Variants in ADAMTS2 observed in about 807,000 individuals in gnomAD.
ADAMTS2 encodes A disintegrin and metalloproteinase with thrombospondin motifs 2.
In ADAMTS2, 50 loss-of-function variants were observed where a neutral mutation model predicts 123.0. That is an observed-to-expected ratio of 0.41 (90% confidence interval 0.32 to 0.51). The LOEUF is 0.51. ADAMTS2 is among the 20% of genes least tolerant of loss of function. The pLI, the probability that ADAMTS2 is intolerant of heterozygous loss-of-function variation, is 0.35. For missense variants in ADAMTS2, 1,494 were observed against 1,705.2 expected, an observed-to-expected ratio of 0.88 and a Z score of 2.18; for synonymous variants, 678 against 695.4, an observed-to-expected ratio of 0.98 and a Z score of 0.39.
chr5:179,171,935 C>T (rs1763824454), intron 5 of ADAMTS2, among the ~76,000 whole-genome samples: 1 of 152,144 alleles, frequency 6.6e-6, no homozygotes, highest in South Asian at 2.1e-4. Context: ...TCCCACACCC[C>T]TCACAACCCA....
At chr5:179,333,360 C>T (rs991386714) in intron 2 of ADAMTS2, among the ~76,000 whole-genome samples, 38 of 152,222 alleles carry the variant, frequency 2.5e-4, no homozygotes, top group Admixed American at 2.5e-3. Context: ...CCACTCCCCA[C>T]AGCCCTCGCT....
At chr5:179,125,933 C>T in intron 18 of ADAMTS2, 65 bp downstream of exon 18, 5 of 1,606,368 alleles carry the variant, frequency 3.1e-6, no homozygotes. Context: ...CACCTCCAAG[C>T]ACGGGAGCCC....
chr5:179,207,652 T>C lies in ADAMTS2; in HGVS notation c.752A>G (p.Asn251Ser). 6.2e-7 allele frequency: 1 copy of C among 1,613,722 alleles called. No homozygotes were observed. Among genetic ancestry groups the C allele is most frequent in the Non-Finnish European group, 8.5e-7 (1 of 1,180,020 alleles). Residue 251 changes from asparagine (N) to serine (S), a missense_variant, in exon 4 of 22, where the codon AAC becomes AGC. Asn to Ser is a conservative substitution (Grantham distance 46). This residue lies in a region of ADAMTS2 where 184 missense variants were observed against 152.1 expected (regional missense o/e 1.21). Transcript: ENST00000251582. Reference sequence around the variant, plus strand: ...CCTGCGTGCCCTCCGCCTCGAGCTGTTGGCGTGCTCCTCTAGGACGCCCAG... The same window carrying C: ...CCTGCGTGCCCTCCGCCTCGAGCTGCTGGCGTGCTCCTCTAGGACGCCCAG... The part of the protein sequence containing the change: ...RALGVLEEHA[N>S]SSRRRARRHA...
At chr5:179,204,274 T>C (rs1185384203) in intron 4 of ADAMTS2, among the ~76,000 whole-genome samples, 1 of 152,170 alleles carries the variant, frequency 6.6e-6, no homozygotes, top group Non-Finnish European at 1.5e-5. Flanking sequence ...GTGGCGATGG[T>C]GGCCCAGCCA....
chr5:179,179,503 C>T (rs188008021), intron 5 of ADAMTS2, among the ~76,000 whole-genome samples: 2 of 152,258 alleles, frequency 1.3e-5, no homozygotes, highest in East Asian at 3.9e-4. Flanking sequence ...GATATAACTA[C>T]TAATTTAGCT....
chr5:179,336,149 T>G (rs567603800), intron 2 of ADAMTS2, among the ~76,000 whole-genome samples: 10 of 152,296 alleles, frequency 6.6e-5, no homozygotes, highest in Non-Finnish European at 1.5e-4. Flanking sequence ...GAACTGAGGA[T>G]GCAATCGGCG....
At chr5:179,166,630 G>C (rs79953818) in intron 5 of ADAMTS2, among the ~76,000 whole-genome samples, 12,361 of 152,226 alleles carry the variant, frequency 0.081, 578 homozygotes, top group East Asian at 0.15. Context: ...CCAAGTCCCA[G>C]CCCCATCCTG....
Position 179,242,042 on chromosome 5 carries a change from G to A in ADAMTS2, c.688+30869C>T, listed in dbSNP as rs760678284. Among the ~76,000 whole-genome samples the A allele has an allele frequency of 4.6e-5, 7 of 152,222 alleles. No individual in the cohort carries two copies. The highest frequency in any genetic ancestry group is 1.0e-4 in the Non-Finnish European group (7 of 68,046). On this transcript the variant is annotated intron_variant, in intron 3 of 21. Coordinates refer to ENST00000251582, the MANE Select transcript of ADAMTS2 (RefSeq NM_014244.5). The surrounding 1 kb of genome is among the most constrained non-coding windows in gnomAD (Gnocchi z 4.2). Reference sequence around the variant, plus strand: ...TGCCCTCAGCACAGTGATTGGTCCAGGGGGTGAACACATGACTGGAGTGAG... The same window carrying A: ...TGCCCTCAGCACAGTGATTGGTCCAAGGGGTGAACACATGACTGGAGTGAG...
chr5:179,187,916 C>G (rs991415045), intron 4 of ADAMTS2, among the ~76,000 whole-genome samples: 1 of 152,198 alleles, frequency 6.6e-6, no homozygotes, highest in Non-Finnish European at 1.5e-5. Flanking sequence ...AGCGGCTCTG[C>G]ATGGCAATGT....
Position 179,207,599 on chromosome 5 carries a change from C to G in ADAMTS2, c.805G>C (p.Glu269Gln). 6.2e-7 allele frequency: 1 copy of G among 1,613,860 alleles called. No individual in the cohort carries two copies. The highest frequency in any genetic ancestry group is 8.5e-7 in the Non-Finnish European group (1 of 1,180,022). Reference protein sequence around the residue: ...RHAADDDYNIEVLLGVDDSVV... With the variant: ...RHAADDDYNIQVLLGVDDSVV... ...GAGTCATCCACGCCCAGCAGGACCTCGATGTTGTAGTCATCGTCCGCAGCA... is the reference window on the plus strand; with the variant it reads ...GAGTCATCCACGCCCAGCAGGACCTGGATGTTGTAGTCATCGTCCGCAGCA... The change falls in exon 4 of 22, where the codon GAG becomes CAG. Residue 269 changes from glutamate (E) to glutamine (Q), a missense_variant. Physicochemically the swap from Glu to Gln is conservative, Grantham distance 29. Coordinates refer to ENST00000251582, the MANE Select transcript of ADAMTS2 (RefSeq NM_014244.5).
In ADAMTS2 at chr5:179,336,293, G is replaced by A. The variant is rs375635453; in HGVS notation, c.534+7474C>T. 3.9e-5 allele frequency among the ~76,000 whole-genome samples: 6 copies of A among 152,350 alleles called. No individual in the cohort carries two copies. In the East Asian group the frequency reaches 7.7e-4, roughly 20 times the overall value. ...GTGAGGTCAAAAAGTTAGGGTGCAC[G>A]CAGAAAGGCGCATGTAGCTTTGCAT... On this transcript the variant is annotated intron_variant, in intron 2 of 21. Coordinates refer to ENST00000251582, the MANE Select transcript of ADAMTS2 (RefSeq NM_014244.5).
At chr5:179,254,836 G>A (rs975038730) in intron 3 of ADAMTS2, among the ~76,000 whole-genome samples, 2 of 152,254 alleles carry the variant, frequency 1.3e-5, no homozygotes, top group African/African-American at 4.8e-5. Context: ...GTTCATCTGG[G>A]AGTCTGCCTT....
At chr5:179,147,312 C>T (rs553460108) in intron 10 of ADAMTS2, among the ~76,000 whole-genome samples, 1 of 152,290 alleles carries the variant, frequency 6.6e-6, no homozygotes, top group African/African-American at 2.4e-5. Context: ...TGGTCTCGAA[C>T]TCCTGATCTC....
At position 179,303,866 on chromosome 5, in the gene ADAMTS2, G is replaced by A. The variant is rs995831272; in HGVS notation, c.535-30802C>T. On this transcript the variant is annotated intron_variant, in intron 2 of 21. Coordinates refer to ENST00000251582, the MANE Select transcript of ADAMTS2 (RefSeq NM_014244.5). The surrounding 1 kb of genome is among the most constrained non-coding windows in gnomAD (Gnocchi z 4.7). ...CAATAAAGCCCCAGCTTTCTGGCCAGAGAGATTTAACAAGGAGCCGCAGGA... is the reference window on the plus strand; with the variant it reads ...CAATAAAGCCCCAGCTTTCTGGCCAAAGAGATTTAACAAGGAGCCGCAGGA... Among the ~76,000 whole-genome samples, 4 of 152,220 alleles carry A rather than the reference G, an allele frequency of 2.6e-5. No homozygotes were observed. Among genetic ancestry groups the A allele is most frequent in the African/African-American group, 9.6e-5 (4 of 41,458 alleles).
chr5:179,223,060 G>T (rs567312059), intron 3 of ADAMTS2, among the ~76,000 whole-genome samples: 2 of 152,328 alleles, frequency 1.3e-5, no homozygotes, highest in South Asian at 2.1e-4. Flanking sequence ...TCCTTCTCTG[G>T]CTCCCAAAAC....
Position 179,135,161 on chromosome 5 carries a change from G to GGCTCC in ADAMTS2, c.2085+747_2085+748insGGAGC, listed in dbSNP as rs1315390179. The stretch of plus-strand genomic sequence containing the variant: ...CTCCCGGCTCCAGCCCCCAGCTCCC[G>GGCTCC]ACTCCAGCTCCAGCTCCCGGCTCCA... On this transcript the variant is annotated intron_variant, in intron 13 of 21. Coordinates refer to ENST00000251582, the MANE Select transcript of ADAMTS2 (RefSeq NM_014244.5). Among the ~76,000 whole-genome samples, 369 of 141,354 alleles carry GGCTCC rather than the reference G, an allele frequency of 2.6e-3. 9 individuals carry two copies. The highest frequency in any genetic ancestry group is 8.2e-3 in the African/African-American group (314 of 38,496). 92.7% of individuals were successfully genotyped at this position (141,354 alleles called of 152,430 possible).
At chr5:179,205,479 A>C (rs1764658743) in intron 4 of ADAMTS2, among the ~76,000 whole-genome samples, 1 of 152,252 alleles carries the variant, frequency 6.6e-6, no homozygotes, top group Admixed American at 6.5e-5. Flanking sequence ...GGCTCAGAGG[A>C]CGGGAGCAGC....
intron 3 of ADAMTS2, among the ~76,000 whole-genome samples, chr5:179,223,781 ATG>A (rs1476169748): frequency 1.3e-5 from 2 of 152,076 alleles, no homozygotes; most frequent in African/African-American, 2.4e-5. Context: ...GAGTCTATGG[ATG>A]TGTGTGCATG....
Position 179,164,817 on chromosome 5 carries a change from C to T in ADAMTS2, c.976-5938G>A, listed in dbSNP as rs1226586489. ...TGCCTGGTGGCAGCACCCAAAACAA[C>T]CATCCGCAAACTCAGGCTCATGCAC... is the stretch of plus-strand genomic sequence containing the variant. On this transcript the variant is annotated intron_variant, in intron 5 of 21. Coordinates refer to ENST00000251582, the MANE Select transcript of ADAMTS2 (RefSeq NM_014244.5). 2.0e-5 allele frequency among the ~76,000 whole-genome samples: 3 copies of T among 152,202 alleles called. No individual in the cohort carries two copies. The East Asian group carries it at 5.8e-4, about 29-fold the overall frequency.
Sources: allele counts gnomAD v4.1 joint callset (sites outside exome capture counted in the v4.1 genomes callset), GRCh38; gene constraint gnomAD v4.1.1; regional missense constraint gnomAD v4.1.1; non-coding constraint Gnocchi (gnomAD v3.1); transcripts MANE v1.5; gene names NCBI Gene and HGNC (gene_info 2026-07-23, HGNC 2026-07-21).